Variants in NRG3 observed in about 807,000 individuals in gnomAD.
The protein encoded by NRG3 is pro-neuregulin-3, membrane-bound isoform.
Under a neutral mutation model 66.9 loss-of-function variants are expected in NRG3, and 31 were observed. The ratio of observed to expected loss-of-function variants is 0.46; its 90% CI spans 0.35 to 0.63. NRG3 has a LOEUF of 0.63. Among genes scored for constraint, NRG3 ranks in the 20% least tolerant of loss-of-function variants. The pLI, the probability that NRG3 is intolerant of heterozygous loss-of-function variation, is 0.00. For synonymous variants in NRG3, 393 were observed against 359.4 expected, an observed-to-expected ratio of 1.09 and a Z score of -1.06; for missense variants, 910 against 878.9, an observed-to-expected ratio of 1.04 and a Z score of -0.45.
chr10:82,460,305 C>G (rs1166671414), intron 2 of NRG3, among the ~76,000 whole-genome samples: 1 of 152,178 alleles, frequency 6.6e-6, no homozygotes, highest in Non-Finnish European at 1.5e-5. Flanking sequence ...TTTGCTTTGA[C>G]TTCCCTTAGG....
intron 2 of NRG3, among the ~76,000 whole-genome samples, chr10:82,670,189 C>G (rs557274291): frequency 6.6e-6 from 1 of 152,104 alleles, no homozygotes; most frequent in Non-Finnish European, 1.5e-5. Flanking sequence ...TCTTCCCACT[C>G]TTATTTCCCA....
At chr10:82,489,223 C>T (rs1842911746) in intron 2 of NRG3, among the ~76,000 whole-genome samples, 1 of 152,146 alleles carries the variant, frequency 6.6e-6, no homozygotes, top group Non-Finnish European at 1.5e-5. Context: ...TTTAATAATA[C>T]TATTCAGTTC....
chr10:82,555,568 G>A (rs146565312), intron 2 of NRG3, among the ~76,000 whole-genome samples: 75 of 152,260 alleles, frequency 4.9e-4, no homozygotes, highest in Admixed American at 1.1e-3. Context: ...GATCTAAATG[G>A]AAACTTCCTC....
intron 7 of NRG3, among the ~76,000 whole-genome samples, chr10:82,978,109 T>C (rs1313258804): frequency 6.6e-6 from 1 of 152,044 alleles, no homozygotes; most frequent in Non-Finnish European, 1.5e-5. Flanking sequence ...TGAGCAAAGT[T>C]CTCCTCACCA....
intron 1 of NRG3, among the ~76,000 whole-genome samples, chr10:82,188,220 T>A (rs2073925641): frequency 6.6e-6 from 1 of 152,138 alleles, no homozygotes; most frequent in South Asian, 2.1e-4. Context: ...GAAAAGACAG[T>A]CACTTCAATA....
chr10:82,172,148 GCTTA>G (rs2072670807), intron 1 of NRG3, among the ~76,000 whole-genome samples: 4 of 152,106 alleles, frequency 2.6e-5, no homozygotes. Flanking sequence ...TGAGACTCAA[GCTTA>G]CTGTTTCCTG....
intron 3 of NRG3, among the ~76,000 whole-genome samples, chr10:82,802,429 C>T (rs967284735): frequency 6.6e-6 from 1 of 152,098 alleles, no homozygotes; most frequent in Non-Finnish European, 1.5e-5. Flanking sequence ...TCAAGGGGGT[C>T]AAATTGGTGA....
intron 1 of NRG3, among the ~76,000 whole-genome samples, chr10:82,022,829 T>G (rs904236382): frequency 6.6e-6 from 1 of 151,828 alleles, no homozygotes; most frequent in Admixed American, 6.6e-5. Flanking sequence ...TTATTTTTAT[T>G]TTTATAGTGA....
intron 1 of NRG3, among the ~76,000 whole-genome samples, chr10:82,259,522 T>C (rs559134629): frequency 2.0e-5 from 3 of 152,290 alleles, no homozygotes; most frequent in Admixed American, 2.0e-4. Context: ...GTAATCATCT[T>C]GTTAAACACA....
intron 1 of NRG3, among the ~76,000 whole-genome samples, chr10:81,976,216 G>C (rs1409850971): frequency 6.6e-6 from 1 of 152,114 alleles, no homozygotes; most frequent in Non-Finnish European, 1.5e-5. Context: ...GTTGGTAATT[G>C]CTTCTGTATG....
At chr10:82,830,038 G>A (rs1043469299) in intron 3 of NRG3, among the ~76,000 whole-genome samples, 1 of 152,094 alleles carries the variant, frequency 6.6e-6, no homozygotes, top group Non-Finnish European at 1.5e-5. Context: ...TTCTCATGGT[G>A]ATCTTTGATC....
At chr10:82,720,525 C>T (rs190992819) in intron 2 of NRG3, among the ~76,000 whole-genome samples, 1 of 152,000 alleles carries the variant, frequency 6.6e-6, no homozygotes, top group African/African-American at 2.4e-5. Context: ...CAAATCTAAG[C>T]TTTAACATAT....
At chr10:82,238,896 A>AT (rs1413433168) in intron 1 of NRG3, among the ~76,000 whole-genome samples, 1 of 149,004 alleles carries the variant, frequency 6.7e-6, no homozygotes, top group Non-Finnish European at 1.5e-5. Flanking sequence ...TTAGTGCATT[A>AT]TTTTTAGGTT....
intron 3 of NRG3, among the ~76,000 whole-genome samples, chr10:82,809,571 T>A (rs1411635020): frequency 6.6e-6 from 1 of 152,130 alleles, no homozygotes; most frequent in Admixed American, 6.5e-5. Context: ...CGTATTTAAA[T>A]AGTTTTAACA....
intron 4 of NRG3, among the ~76,000 whole-genome samples, chr10:82,948,532 T>C (rs911256384): frequency 3.3e-5 from 5 of 152,100 alleles, no homozygotes; most frequent in Non-Finnish European, 5.9e-5. Flanking sequence ...TTGGGGAGAA[T>C]TGACATCTTA....
At chr10:82,253,623 C>G (rs981713428) in intron 1 of NRG3, among the ~76,000 whole-genome samples, 1 of 152,196 alleles carries the variant, frequency 6.6e-6, no homozygotes, top group Admixed American at 6.5e-5. Flanking sequence ...AAATATTTTT[C>G]TAATCAGTCT....
At chr10:81,880,844 T>G (rs1842114735) in intron 1 of NRG3, among the ~76,000 whole-genome samples, 4 of 152,188 alleles carry the variant, frequency 2.6e-5, no homozygotes, top group African/African-American at 9.6e-5. Context: ...ATCTTTAGAC[T>G]CGTGTGTTGG....
chr10:81,999,969 C>G (rs1402880233), intron 1 of NRG3, among the ~76,000 whole-genome samples: 4 of 152,096 alleles, frequency 2.6e-5, no homozygotes, highest in Non-Finnish European at 5.9e-5. Context: ...TTGCTGATAT[C>G]TATTCTAAAT....
At chr10:82,874,892 G>A (rs1841670375) in intron 4 of NRG3, among the ~76,000 whole-genome samples, 3 of 152,168 alleles carry the variant, frequency 2.0e-5, no homozygotes, top group Admixed American at 2.0e-4. Context: ...GCAGTTCTGT[G>A]ACTAGTCCTT....
Sources: gnomAD v4.1 joint callset for allele counts (sites outside exome capture counted in the v4.1 genomes callset) on GRCh38, gnomAD v4.1.1 for gene constraint, MANE v1.5 for transcripts, NCBI Gene and HGNC (gene_info 2026-07-23, HGNC 2026-07-21) for gene names.